Variants in KCNQ3 observed in about 807,000 individuals in gnomAD.
The protein encoded by KCNQ3 is potassium voltage-gated channel subfamily KQT member 3.
Under a neutral mutation model 92.5 loss-of-function variants are expected in KCNQ3, and 30 were observed. That is an observed-to-expected ratio of 0.32 (90% confidence interval 0.24 to 0.44). KCNQ3 has a LOEUF of 0.44. Among genes scored for constraint, KCNQ3 ranks in the 20% least tolerant of loss-of-function variants. KCNQ3 has a pLI of 1.00. For missense variants in KCNQ3, 913 were observed against 1,140.3 expected (o/e 0.80, Z 2.87); for synonymous variants, 450 against 468.8 (o/e 0.96, Z 0.52).
rs184221946 is a variant in KCNQ3, at chr8:132,315,539, A to G, written c.387-129358T>C. Among the ~76,000 whole-genome samples the G allele has an allele frequency of 4.7e-3, 722 of 152,278 alleles. 5 individuals are homozygous for G. Among genetic ancestry groups the G allele is most frequent in the African/African-American group, 0.017 (700 of 41,558 alleles). On this transcript the variant is annotated intron_variant, in intron 1 of 14. Coordinates refer to ENST00000388996, the MANE Select transcript of KCNQ3 (RefSeq NM_004519.4). ...CATACTCCCAGGGTTTGATTTGTCC[A>G]ATGACTACTTTAAAAGAAAAGTTTA... is the stretch of plus-strand genomic sequence containing the variant.
At chr8:132,184,503 G>GGGGGT in intron 2 of KCNQ3, 136 bp from the exon 3 acceptor site, 1 of 605,188 alleles carries the variant, frequency 1.7e-6, no homozygotes, top group Admixed American at 2.1e-5. Context: ...GATGGCTGGG[G>GGGGGT]ATGGGGGTGG....
chr8:132,173,820 G>A (rs1826460995), intron 6 of KCNQ3, among the ~76,000 whole-genome samples: 1 of 152,158 alleles, frequency 6.6e-6, no homozygotes, highest in Non-Finnish European at 1.5e-5. Context: ...ACAAGAGAAG[G>A]GAACTCACAT....
chr8:132,159,253 G>A (rs1825908357), intron 9 of KCNQ3, among the ~76,000 whole-genome samples: 1 of 152,122 alleles, frequency 6.6e-6, no homozygotes, highest in Non-Finnish European at 1.5e-5. Context: ...ATTTATGCCT[G>A]CAATGAACAA....
chr8:132,441,256 A>G (rs1384874223), intron 1 of KCNQ3, among the ~76,000 whole-genome samples: 1 of 152,224 alleles, frequency 6.6e-6, no homozygotes, highest in Non-Finnish European at 1.5e-5. Context: ...AATGATTAAT[A>G]TTCCTTTGGG....
At chr8:132,309,085 A>G (rs1226789880) in intron 1 of KCNQ3, among the ~76,000 whole-genome samples, 3 of 152,138 alleles carry the variant, frequency 2.0e-5, no homozygotes, top group Admixed American at 6.5e-5. Flanking sequence ...CTAGAATAAA[A>G]GCAGGCAGAA....
At chr8:132,217,438 C>T (rs777269521) in intron 1 of KCNQ3, among the ~76,000 whole-genome samples, 1 of 152,148 alleles carries the variant, frequency 6.6e-6, no homozygotes, top group African/African-American at 2.4e-5. Context: ...CGGCCGGACA[C>T]GGTGGCTCAC....
intron 1 of KCNQ3, among the ~76,000 whole-genome samples, chr8:132,433,982 G>A (rs1302071889): frequency 6.6e-6 from 1 of 152,140 alleles, no homozygotes; most frequent in African/African-American, 2.4e-5. Flanking sequence ...GCCGAGGCGG[G>A]CGGATCACGA....
chr8:132,318,291 C>G lies in KCNQ3; in HGVS notation c.387-132110G>C, dbSNP rs55765540. On this transcript the variant is annotated intron_variant, in intron 1 of 14. Transcript: ENST00000388996. ...ATTAATAGTACAGGTTGTGCCTAAA[C>G]AAAGCAAAGATGGTGATGGGGTATC... is the stretch of plus-strand genomic sequence containing the variant. 8.1e-3 allele frequency among the ~76,000 whole-genome samples: 1,233 copies of G among 152,294 alleles called. 17 individuals carry two copies. The highest frequency in any genetic ancestry group is 0.029 in the African/African-American group (1,186 of 41,558).
At chr8:132,444,335 T>C (rs1172782115) in intron 1 of KCNQ3, among the ~76,000 whole-genome samples, 1 of 152,196 alleles carries the variant, frequency 6.6e-6, no homozygotes, top group Non-Finnish European at 1.5e-5. Flanking sequence ...CACTTTGAGT[T>C]CTGATTCTGT....
intron 1 of KCNQ3, among the ~76,000 whole-genome samples, chr8:132,471,952 T>C (rs1822307464): frequency 6.6e-6 from 1 of 152,086 alleles, no homozygotes; most frequent in African/African-American, 2.4e-5. Context: ...GGGCAAAGGA[T>C]ATGAATAGAT....
intron 1 of KCNQ3, among the ~76,000 whole-genome samples, chr8:132,453,052 G>T (rs369218719): frequency 6.6e-6 from 1 of 152,146 alleles, no homozygotes; most frequent in Non-Finnish European, 1.5e-5. Context: ...TCCTGGATCC[G>T]AAAGAAGCCA....
intron 1 of KCNQ3, among the ~76,000 whole-genome samples, chr8:132,376,007 A>G (rs1228952459): frequency 1.3e-5 from 2 of 152,124 alleles, no homozygotes; most frequent in Admixed American, 1.3e-4. Flanking sequence ...ATTCACTATG[A>G]TGAGTTAGCA....
intron 1 of KCNQ3, among the ~76,000 whole-genome samples, chr8:132,413,160 C>G (rs952342389): frequency 1.3e-5 from 2 of 152,236 alleles, no homozygotes; most frequent in African/African-American, 2.4e-5. Flanking sequence ...GTGTTCTCGC[C>G]ACGCTACAAA....
At chr8:132,215,130 C>G (rs1244640211) in intron 1 of KCNQ3, among the ~76,000 whole-genome samples, 1 of 152,250 alleles carries the variant, frequency 6.6e-6, no homozygotes, top group Non-Finnish European at 1.5e-5. Flanking sequence ...GCTGCAGCAC[C>G]ATCACCCACA....
intron 1 of KCNQ3, among the ~76,000 whole-genome samples, chr8:132,316,519 G>A (rs1431582258): frequency 6.6e-6 from 1 of 152,190 alleles, no homozygotes; most frequent in Non-Finnish European, 1.5e-5. Context: ...CCACTGTGTG[G>A]CTCAGTTTGT....
intron 1 of KCNQ3, among the ~76,000 whole-genome samples, chr8:132,339,171 C>T (rs1049926416): frequency 6.6e-6 from 1 of 152,160 alleles, no homozygotes; most frequent in Non-Finnish European, 1.5e-5. Context: ...GCCTGAGGCA[C>T]CTCCTCTGAA....
chr8:132,165,136 G>A (rs976202503), intron 8 of KCNQ3, among the ~76,000 whole-genome samples: 1 of 152,078 alleles, frequency 6.6e-6, no homozygotes, highest in Non-Finnish European at 1.5e-5. Context: ...TACACTCACT[G>A]AACCCACTTG....
At chr8:132,349,692 C>A (rs1232300255) in intron 1 of KCNQ3, among the ~76,000 whole-genome samples, 2 of 152,204 alleles carry the variant, frequency 1.3e-5, no homozygotes, top group Non-Finnish European at 2.9e-5. Flanking sequence ...GCAGAGCAGA[C>A]CTGCAGGTAG....
At chr8:132,220,003 A>T (rs545316858) in intron 1 of KCNQ3, among the ~76,000 whole-genome samples, 8 of 152,126 alleles carry the variant, frequency 5.3e-5, no homozygotes, top group Non-Finnish European at 1.0e-4. Context: ...TTGATGATAT[A>T]TTTTTTTAAT....
Sources: allele counts gnomAD v4.1 joint callset (sites outside exome capture counted in the v4.1 genomes callset), GRCh38; gene constraint gnomAD v4.1.1; transcripts MANE v1.5; gene names NCBI Gene and HGNC (gene_info 2026-07-23, HGNC 2026-07-21).